Variants in WDR87 observed in about 807,000 individuals in gnomAD.
WDR87 encodes WD repeat domain 87.
WDR87 carries 56 observed loss-of-function variants against 83.3 expected under a neutral mutation model. The ratio of observed to expected loss-of-function variants is 0.67; its 90% CI spans 0.54 to 0.84. The LOEUF is 0.84. Among genes scored for constraint, WDR87 ranks in the 40% least tolerant of loss-of-function variants. The pLI, the probability that WDR87 is intolerant of heterozygous loss-of-function variation, is 0.00. For synonymous variants in WDR87, 1,173 were observed against 1,250.6 expected (o/e 0.94, Z 1.31); for missense variants, 2,939 against 3,431.9 (o/e 0.86, Z 3.59).
rs761835077 is a variant in WDR87, at chr19:37,895,312, G to A, written c.391C>T (p.Arg131Ter). Reference sequence around the variant, plus strand: ...GCCCGAAAGTGGTCCCCAAAGAGTCGCAGGATCAGGTCACCACAGTAGACC... The same window carrying A: ...GCCCGAAAGTGGTCCCCAAAGAGTCACAGGATCAGGTCACCACAGTAGACC... ...LVVYCGDLIL[R>*]LFGDHFRAFK... Residue 131 changes from arginine to a stop codon, truncating the protein, a stop_gained, in exon 4 of 6, where the codon CGA (arginine) becomes TGA (stop). Coordinates refer to ENST00000447313, the MANE Select transcript of WDR87 (RefSeq NM_001291088.2). LOFTEE classifies it high-confidence loss of function. 27 of 1,551,622 alleles carry A rather than the reference G, an allele frequency of 1.7e-5. No individual in the cohort carries two copies. Among genetic ancestry groups the A allele is most frequent in the South Asian group, 4.8e-5 (4 of 84,062 alleles).
chr19:37,895,202 G>A lies in WDR87; in HGVS notation c.501C>T (p.Gly167=). Residue 167 remains glycine, a synonymous_variant, in exon 4 of 6, where the codon GGC becomes GGT. Coordinates refer to ENST00000447313, the MANE Select transcript of WDR87 (RefSeq NM_001291088.2). Reference sequence around the variant, plus strand: ...CCCAGGTCACCACTGCCCCCAGGATGCCAGACAGAAGCATCTTCATTTCCG... The same window carrying A: ...CCCAGGTCACCACTGCCCCCAGGATACCAGACAGAAGCATCTTCATTTCCG... ...YDPEMKMLLS[G]ILGAVVTWVI... 6.4e-7 allele frequency: 1 copy of A among 1,551,722 alleles called. No individual in the cohort carries two copies. Among genetic ancestry groups the A allele is most frequent in the Admixed American group, 2.0e-5 (1 of 51,012 alleles).
At position 37,893,022 on chromosome 19, in the gene WDR87, T is replaced by C; in HGVS notation, c.2681A>G (p.Asp894Gly). The C allele has an allele frequency of 6.4e-7, 1 of 1,551,832 alleles. No homozygotes were observed. Among genetic ancestry groups the C allele is most frequent in the South Asian group, 1.2e-5 (1 of 84,066 alleles). Residue 894 changes from aspartate (D) to glycine (G), a missense_variant, in exon 4 of 6, where the codon GAT (aspartate) becomes GGT (glycine). Asp to Gly is a moderately conservative substitution (Grantham distance 94, BLOSUM62 -1). Transcript: ENST00000447313. ...ATCTGTAAGGACACTGTAGGTTACATCCTTGGAAAGTCTCATTTCTAGGAA... is the reference window on the plus strand; with the variant it reads ...ATCTGTAAGGACACTGTAGGTTACACCCTTGGAAAGTCTCATTTCTAGGAA... The part of the protein sequence containing the change: ...EHFLEMRLSK[D>G]VTYSVLTDGA...
Position 37,886,658 on chromosome 19 carries a change from ACCT to A in WDR87, c.7010_7012del (p.Glu2337del), listed in dbSNP as rs756058702. The stretch of plus-strand genomic sequence containing the variant: ...CTCAAACACTTCTTCCTTCTCCTGA[ACCT>A]CCTCCTTCTTCTTTTCCTTTTTCTT... On this transcript the variant is annotated inframe_deletion, in exon 6 of 6. Transcript: ENST00000447313. The A allele has an allele frequency of 6.1e-6, 9 of 1,484,312 alleles. 1 individual carries two copies. In the South Asian group the frequency reaches 1.0e-4, roughly 17 times the overall value. 91.9% of individuals were successfully genotyped at this position (1,484,312 alleles called of 1,614,324 possible). A position where few individuals can be genotyped will look rare whatever the true frequency, so the allele number is the denominator to read the frequency against.
In WDR87 at chr19:37,890,164, C is replaced by T; in HGVS notation, c.3507G>A (p.Glu1169=). The T allele has an allele frequency of 6.4e-7, 1 of 1,551,872 alleles. No homozygotes were observed. Among genetic ancestry groups the T allele is most frequent in the Non-Finnish European group, 8.7e-7 (1 of 1,147,050 alleles). ...GGGAATAGACGGATGCTTCCTCCAT[C>T]TCAATTGGTGCGGCCTCAGTCCCAC... ...DESGTEAAPI[E]MEEASVYSQW... Residue 1169 remains glutamate, a synonymous_variant, in exon 6 of 6, where the codon GAG becomes GAA. Coordinates refer to ENST00000447313, the MANE Select transcript of WDR87 (RefSeq NM_001291088.2).
chr19:37,894,645 C>T lies in WDR87; in HGVS notation c.1058G>A (p.Cys353Tyr), dbSNP rs559668286. The T allele has an allele frequency of 6.4e-7, 1 of 1,551,734 alleles. No individual in the cohort carries two copies. Among genetic ancestry groups the T allele is most frequent in the Non-Finnish European group, 8.7e-7 (1 of 1,147,014 alleles). ...AHSFSLHRLP[C>Y]FYSLFNVCGS... ...ACAGACATTGAAGAGGCTGTAGAAG[C>T]AGGGCAGGCGGTGCAAGGAAAAACT... The change falls in exon 4 of 6, where the codon TGC becomes TAC. Residue 353 changes from cysteine to tyrosine, a missense_variant. By Grantham distance (194) the Cys-to-Tyr change is radical (BLOSUM62 -2). Around this residue, in one of 3 missense-constraint regions of WDR87, gnomAD observed 553 missense variants for 577.9 expected, o/e 0.96. Coordinates refer to ENST00000447313, the MANE Select transcript of WDR87 (RefSeq NM_001291088.2).
At chr19:37,899,955 T>A (rs2046283491) in intron 1 of WDR87, among the ~76,000 whole-genome samples, 1 of 152,122 alleles carries the variant, frequency 6.6e-6, no homozygotes, top group African/African-American at 2.4e-5. Flanking sequence ...AAAACACTGG[T>A]TTAGAGAACT....
At chr19:37,890,725 C>T (rs571693219) in intron 5 of WDR87, among the ~76,000 whole-genome samples, 24 of 152,266 alleles carry the variant, frequency 1.6e-4, no homozygotes, top group African/African-American at 5.5e-4. Context: ...TACCCTTAAC[C>T]TCTGGCCCTA....
At position 37,888,476 on chromosome 19, in the gene WDR87, AAT is replaced by A; in HGVS notation, c.5193_5194del (p.Leu1732GlyfsTer51). On this transcript the variant is annotated frameshift_variant, in exon 6 of 6. Coordinates refer to ENST00000447313, the MANE Select transcript of WDR87 (RefSeq NM_001291088.2). LOFTEE classifies it low-confidence loss of function (END_TRUNC). ...GGGCAGTTCTTCCACTTTCTGGGCC[AAT>A]ATGTTTTTCACCTCAGCCAGTTTCC... 6.4e-7 allele frequency: 1 copy of A among 1,551,852 alleles called. No individual in the cohort carries two copies. The highest frequency in any genetic ancestry group is 8.7e-7 in the Non-Finnish European group (1 of 1,146,994).
At chr19:37,900,424 G>A (rs1006518594) in intron 1 of WDR87, among the ~76,000 whole-genome samples, 67 of 151,804 alleles carry the variant, frequency 4.4e-4, no homozygotes, top group African/African-American at 1.5e-3. Context: ...AGCCGGGCAC[G>A]GTGATGGGCG....
Position 37,888,352 on chromosome 19 carries a change from T to G in WDR87, c.5319A>C (p.Glu1773Asp). ...DMEELSWKEE[E>D]LNQEEGKLVE... ...CCAGTTTCCCCTCTTCCTGATTCAG[T>G]TCCTCTTCTTTCCAAGACAGTTCTT... Residue 1773 changes from glutamate to aspartate, a missense_variant, in exon 6 of 6, where the codon GAA (glutamate) becomes GAC (aspartate). Coordinates refer to ENST00000447313, the MANE Select transcript of WDR87 (RefSeq NM_001291088.2). 6.4e-7 allele frequency: 1 copy of G among 1,551,912 alleles called. No individual in the cohort carries two copies. Among genetic ancestry groups the G allele is most frequent in the Non-Finnish European group, 8.7e-7 (1 of 1,147,050 alleles).
In WDR87 at chr19:37,893,088, C is replaced by G; in HGVS notation, c.2615G>C (p.Ser872Thr). The change falls in exon 4 of 6, where the codon AGT (serine) becomes ACT (threonine). Residue 872 changes from serine to threonine, a missense_variant. Ser to Thr is a moderately conservative substitution (Grantham distance 58). Transcript: ENST00000447313. The stretch of plus-strand genomic sequence containing the variant: ...CTTATTCTTTGGATATTCTGTATTA[C>G]TTATAGCTCTTACCCTGCTGTGCCA... ...FFWHSRVRAI[S>T]NTEYPKNKEE... is the part of the protein sequence containing the mutation. 1 of 1,551,734 alleles carries G rather than the reference C, an allele frequency of 6.4e-7. No individual in the cohort carries two copies. The highest frequency in any genetic ancestry group is 1.2e-5 in the South Asian group (1 of 84,066).
chr19:37,888,390 C>T lies in WDR87; in HGVS notation c.5281G>A (p.Glu1761Lys), dbSNP rs763928964. The T allele has an allele frequency of 7.1e-6, 11 of 1,552,148 alleles. No individual in the cohort carries two copies. In the South Asian group the frequency reaches 1.2e-4, roughly 17 times the overall value. Residue 1761 changes from glutamate to lysine, a missense_variant, in exon 6 of 6, where the codon GAA (glutamate) becomes AAA (lysine). This residue lies in a region of WDR87 where 2,160 missense variants were observed against 2,533.1 expected (regional missense o/e 0.85). Coordinates refer to ENST00000447313, the MANE Select transcript of WDR87 (RefSeq NM_001291088.2). Reference sequence around the variant, plus strand: ...CAAGACAGTTCTTCCATGTCCCATTCCAGTTCCTCCAATTCCTGGGCCAGC... The same window carrying T: ...CAAGACAGTTCTTCCATGTCCCATTTCAGTTCCTCCAATTCCTGGGCCAGC... The part of the protein sequence containing the change: ...KELAQELEEL[E>K]WDMEELSWKE...
intron 3 of WDR87, among the ~76,000 whole-genome samples, chr19:37,895,798 G>T (rs1381298808): frequency 6.8e-6 from 1 of 147,786 alleles, no homozygotes; most frequent in African/African-American, 2.5e-5. Flanking sequence ...AGATGAAACT[G>T]CCTAGAGCTG....
In WDR87 at chr19:37,885,365, A is replaced by G; in HGVS notation, c.8306T>C (p.Val2769Ala). ...KEELPLWETFVALYHVLRMLQ... is the reference protein window; with the variant it reads ...KEELPLWETFAALYHVLRMLQ... ...CATCCGCAAAACATGGTACAGTGCC[A>G]CAAATGTCTCCCACAAAGGCAACTC... is the stretch of plus-strand genomic sequence containing the variant. The change falls in exon 6 of 6, where the codon GTG becomes GCG. Residue 2769 changes from valine to alanine, a missense_variant. Transcript: ENST00000447313. 3 of 1,551,844 alleles carry G rather than the reference A, an allele frequency of 1.9e-6. No homozygotes were observed. Among genetic ancestry groups the G allele is most frequent in the African/African-American group, 1.4e-5 (1 of 73,178 alleles).
chr19:37,891,346 T>C (rs1297426372), intron 5 of WDR87, among the ~76,000 whole-genome samples: 1 of 152,060 alleles, frequency 6.6e-6, no homozygotes, highest in Non-Finnish European at 1.5e-5. Context: ...GTATTTTTAG[T>C]AGAGACGGGG....
chr19:37,889,979 TGCTTCTTTTTGA>T lies in WDR87; in HGVS notation c.3680_3691del (p.Leu1227_Lys1230del). The T allele has an allele frequency of 6.4e-7, 1 of 1,551,750 alleles. No homozygotes were observed. The highest frequency in any genetic ancestry group is 8.7e-7 in the Non-Finnish European group (1 of 1,147,004). On this transcript the variant is annotated inframe_deletion, in exon 6 of 6. Coordinates refer to ENST00000447313, the MANE Select transcript of WDR87 (RefSeq NM_001291088.2). The stretch of plus-strand genomic sequence containing the variant: ...TTTGGCTTCTTTTCCCTTCTTTTTG[TGCTTCTTTTTGA>T]GTTTCTGAGCTGTTGCTTTCTTGTC...
In WDR87 at chr19:37,886,328, G is replaced by A. The variant is rs577327467; in HGVS notation, c.7343C>T (p.Pro2448Leu). 3.2e-5 allele frequency: 49 copies of A among 1,551,460 alleles called. No individual in the cohort carries two copies. Among genetic ancestry groups the A allele is most frequent in the South Asian group, 3.0e-4 (25 of 84,044 alleles). ...ATCTTCCCAGGATATTTGTTTCTCCGGCACTGGCACTGGTGTTTTCTCTTT... is the reference window on the plus strand; with the variant it reads ...ATCTTCCCAGGATATTTGTTTCTCCAGCACTGGCACTGGTGTTTTCTCTTT... ...EMKEKTPVPVPEKQISWEDKK... is the reference protein window; with the variant it reads ...EMKEKTPVPVLEKQISWEDKK... The change falls in exon 6 of 6, where the codon CCG becomes CTG. Residue 2448 changes from proline (P) to leucine (L), a missense_variant. By Grantham distance (98) the Pro-to-Leu change is moderately conservative. Around this residue, in one of 3 missense-constraint regions of WDR87, gnomAD observed 2,160 missense variants for 2,533.1 expected, o/e 0.85. Coordinates refer to ENST00000447313, the MANE Select transcript of WDR87 (RefSeq NM_001291088.2).
At chr19:37,892,062 A>G (rs779355103) in intron 4 of WDR87, among the ~76,000 whole-genome samples, 2 of 152,204 alleles carry the variant, frequency 1.3e-5, no homozygotes, top group African/African-American at 2.4e-5. Flanking sequence ...TGGAACTTGA[A>G]GAAGTAGCGG....
At position 37,885,388 on chromosome 19, in the gene WDR87, C is replaced by T; in HGVS notation, c.8283G>A (p.Glu2761=). The T allele has an allele frequency of 1.3e-6, 2 of 1,551,880 alleles. No homozygotes were observed. Among genetic ancestry groups the T allele is most frequent in the Non-Finnish European group, 1.7e-6 (2 of 1,147,028 alleles). ...KTQPISKKKE[E]LPLWETFVAL... ...CCACAAATGTCTCCCACAAAGGCAA[C>T]TCTTCCTTTTTTTTAGAAATGGGCT... The change falls in exon 6 of 6, where the codon GAG becomes GAA. Residue 2761 remains glutamate, a synonymous_variant. Transcript: ENST00000447313.
Sources: gnomAD v4.1 joint callset for allele counts (sites outside exome capture counted in the v4.1 genomes callset) on GRCh38, gnomAD v4.1.1 for gene constraint, gnomAD v4.1.1 regional missense constraint, MANE v1.5 for transcripts, NCBI Gene and HGNC (gene_info 2026-07-23, HGNC 2026-07-21) for gene names.